LRP1B: variants seen among roughly 807,000 people sequenced by gnomAD.
LRP1B encodes the protein low-density lipoprotein receptor-related protein 1B.
Under a neutral mutation model 556.6 loss-of-function variants are expected in LRP1B, and 217 were observed. The ratio of observed to expected loss-of-function variants is 0.39; its 90% CI spans 0.35 to 0.44. The LOEUF (loss-of-function observed/expected upper bound fraction) is 0.44. Ranked by LOEUF, LRP1B falls within the 20% of genes least tolerant of loss-of-function variation. LRP1B has a pLI of 1.00. For synonymous variants in LRP1B, 2,047 were observed against 1,865.8 expected (o/e 1.10, Z -2.50); for missense variants, 5,053 against 5,620.8 (o/e 0.90, Z 3.23).
At chr2:140,637,128 A>G (rs979016787) in intron 41 of LRP1B, among the ~76,000 whole-genome samples, 1 of 152,194 alleles carries the variant, frequency 6.6e-6, no homozygotes, top group South Asian at 2.1e-4. Context: ...TACAAAGTGA[A>G]TATGGAGTGA....
intron 7 of LRP1B, among the ~76,000 whole-genome samples, chr2:141,117,236 A>ATT (rs34197961): frequency 3.3e-4 from 48 of 143,824 alleles, no homozygotes; most frequent in East Asian, 1.8e-3. Context: ...TGGCTACTTC[A>ATT]TTTTTTTTTT....
intron 3 of LRP1B, among the ~76,000 whole-genome samples, chr2:141,313,791 C>A (rs562089021): frequency 2.0e-5 from 3 of 152,078 alleles, no homozygotes; most frequent in Admixed American, 6.5e-5. Context: ...ATTTGAGCAA[C>A]TTCCCTGAAT....
chr2:141,618,385 G>A (rs1157825084), intron 2 of LRP1B, among the ~76,000 whole-genome samples: 2 of 152,080 alleles, frequency 1.3e-5, no homozygotes, highest in Non-Finnish European at 2.9e-5. Flanking sequence ...ACGTTTAGGT[G>A]CAAGACAAGG....
intron 83 of LRP1B, among the ~76,000 whole-genome samples, chr2:140,313,831 G>T (rs1684407987): frequency 6.6e-6 from 1 of 151,742 alleles, no homozygotes; most frequent in Admixed American, 6.6e-5. Context: ...AAAATATGTG[G>T]TAAGACTCCT....
chr2:140,851,690 T>G lies in LRP1B; in HGVS notation c.4673A>C (p.His1558Pro). 1 of 1,611,670 alleles carries G rather than the reference T, an allele frequency of 6.2e-7. No homozygotes were observed. Among genetic ancestry groups the G allele is most frequent in the South Asian group, 1.1e-5 (1 of 90,436 alleles). The stretch of plus-strand genomic sequence containing the variant: ...CTTGTCTGAAGAAAGCTTCATCAAG[T>G]GGGGGCACGCACAGGCAGCACTCCT... ...HNRSAACACP[H>P]LMKLSSDKKT... The change falls in exon 28 of 91, where the codon CAC becomes CCC. Residue 1558 changes from histidine (H) to proline (P), a missense_variant. Physicochemically the swap from His to Pro is moderately conservative, Grantham distance 77. Transcript: ENST00000389484.
intron 3 of LRP1B, among the ~76,000 whole-genome samples, chr2:141,393,256 T>A (rs1690120756): frequency 6.6e-6 from 1 of 151,982 alleles, no homozygotes; most frequent in Admixed American, 6.6e-5. Flanking sequence ...CACAACTTTC[T>A]GGAAGAGATG....
At chr2:140,539,308 C>T (rs2105011970) in intron 45 of LRP1B, among the ~76,000 whole-genome samples, 1 of 152,098 alleles carries the variant, frequency 6.6e-6, no homozygotes, top group African/African-American at 2.4e-5. Flanking sequence ...TTCTCATGTT[C>T]CTAAAGATAA....
chr2:140,557,827 A>G (rs1680788715), intron 43 of LRP1B, among the ~76,000 whole-genome samples: 1 of 152,068 alleles, frequency 6.6e-6, no homozygotes, highest in South Asian at 2.1e-4. Context: ...TCTCTTTACT[A>G]TACCACACTC....
intron 55 of LRP1B, among the ~76,000 whole-genome samples, chr2:140,498,663 CAG>C (rs1467277053): frequency 6.6e-6 from 1 of 151,742 alleles, no homozygotes; most frequent in Non-Finnish European, 1.5e-5. Context: ...TTCTCTGAAA[CAG>C]AGAAATCTAT....
intron 3 of LRP1B, among the ~76,000 whole-genome samples, chr2:141,440,555 G>C (rs1462739000): frequency 1.3e-5 from 2 of 152,140 alleles, no homozygotes; most frequent in African/African-American, 4.8e-5. Flanking sequence ...GACTGCAAAG[G>C]GGTTAACGCT....
At chr2:140,515,418 C>T (rs1251457909) in intron 50 of LRP1B, among the ~76,000 whole-genome samples, 1 of 151,840 alleles carries the variant, frequency 6.6e-6, no homozygotes, top group Non-Finnish European at 1.5e-5. Flanking sequence ...TAACACACTC[C>T]ATTTATTTCC....
At chr2:141,809,711 G>A (rs1308324837) in intron 2 of LRP1B, among the ~76,000 whole-genome samples, 4 of 148,810 alleles carry the variant, frequency 2.7e-5, no homozygotes, top group Non-Finnish European at 1.5e-5. Context: ...TAAAGACAAA[G>A]ATCCTAACTC....
intron 3 of LRP1B, among the ~76,000 whole-genome samples, chr2:141,319,540 G>T (rs1174498518): frequency 6.6e-6 from 1 of 151,664 alleles, no homozygotes; most frequent in African/African-American, 2.4e-5. Flanking sequence ...TGTCAGACTG[G>T]GATTTCTCAT....
intron 21 of LRP1B, among the ~76,000 whole-genome samples, chr2:140,908,461 A>G (rs979381420): frequency 2.0e-5 from 3 of 150,750 alleles, no homozygotes; most frequent in African/African-American, 7.3e-5. Flanking sequence ...TTAAAGATAC[A>G]TTTGTATATT....
Position 140,886,220 on chromosome 2 carries a change from A to G in LRP1B, c.3882T>C (p.Asp1294=). ...AAAGTAAACTTTGATTGAAGTGAAA[A>G]TCAAGTGCTATTGTGTTTCTCAATC... The part of the protein sequence containing the change: ...VPGLRNTIAL[D]FHFNQSLLYW... Residue 1294 remains aspartate (D), a synonymous_variant, in exon 24 of 91, where the codon GAT becomes GAC. Transcript: ENST00000389484. The G allele has an allele frequency of 1.2e-6, 2 of 1,610,632 alleles. No homozygotes were observed. Among genetic ancestry groups the G allele is most frequent in the Non-Finnish European group, 1.7e-6 (2 of 1,177,310 alleles).
At chr2:141,629,183 T>C (rs1688816211) in intron 2 of LRP1B, among the ~76,000 whole-genome samples, 1 of 152,190 alleles carries the variant, frequency 6.6e-6, no homozygotes, top group Non-Finnish European at 1.5e-5. Flanking sequence ...GCTAATATTT[T>C]AAATGCCCAG....
At chr2:140,673,254 G>A (rs960348422) in intron 41 of LRP1B, among the ~76,000 whole-genome samples, 1 of 152,138 alleles carries the variant, frequency 6.6e-6, no homozygotes, top group Non-Finnish European at 1.5e-5. Flanking sequence ...TATAATGGCA[G>A]AAATCAATTA....
chr2:141,309,717 G>C (rs1013624948), intron 3 of LRP1B, among the ~76,000 whole-genome samples: 1 of 152,146 alleles, frequency 6.6e-6, no homozygotes, highest in Admixed American at 6.5e-5. Context: ...CAGTTCGGGG[G>C]TAGAGGGTGA....
At chr2:141,996,340 G>A (rs1226848421) in intron 1 of LRP1B, among the ~76,000 whole-genome samples, 1 of 151,964 alleles carries the variant, frequency 6.6e-6, no homozygotes, top group Non-Finnish European at 1.5e-5. Flanking sequence ...ACTCTTACTT[G>A]TTGCTTAGTT....
Sources: gnomAD v4.1 joint callset for allele counts (sites outside exome capture counted in the v4.1 genomes callset) on GRCh38, gnomAD v4.1.1 for gene constraint, MANE v1.5 for transcripts, NCBI Gene and HGNC (gene_info 2026-07-23, HGNC 2026-07-21) for gene names.